Variants in TMEM132B observed in about 807,000 individuals in gnomAD.
TMEM132B encodes transmembrane protein 132B.
In TMEM132B, 18 loss-of-function variants were observed where a neutral mutation model predicts 90.8. That is an observed-to-expected ratio of 0.20 (90% CI 0.14 to 0.29). TMEM132B has a LOEUF of 0.29. Among genes scored for constraint, TMEM132B ranks in the 10% least tolerant of loss-of-function variants. TMEM132B has a pLI of 1.00. For missense variants in TMEM132B, 1,096 were observed against 1,326.8 expected, an observed-to-expected ratio of 0.83 and a Z score of 2.70; for synonymous variants, 504 against 523.3, an observed-to-expected ratio of 0.96 and a Z score of 0.50.
chr12:125,565,099 G>A (rs1744061720), intron 4 of TMEM132B, among the ~76,000 whole-genome samples: 1 of 152,144 alleles, frequency 6.6e-6, no homozygotes, highest in Non-Finnish European at 1.5e-5. Context: ...TTGAGGCATG[G>A]GTACAGTTGT....
chr12:125,442,617 C>A lies in TMEM132B; in HGVS notation c.1106+26940C>A, dbSNP rs114477332. On this transcript the variant is annotated intron_variant, in intron 3 of 8. Coordinates refer to ENST00000682704, the MANE Select transcript of TMEM132B (RefSeq NM_001366854.1). Reference sequence around the variant, plus strand: ...GTATAGTTTACGGGAACAGAACAAGCCCTTATTAAATTACATCCTCAAAAA... The same window carrying A: ...GTATAGTTTACGGGAACAGAACAAGACCTTATTAAATTACATCCTCAAAAA... Among the ~76,000 whole-genome samples, 756 of 152,206 alleles carry A rather than the reference C, an allele frequency of 5.0e-3. 13 individuals are homozygous for A. The highest frequency in any genetic ancestry group is 0.018 in the African/African-American group (734 of 41,520).
At chr12:125,448,889 T>C (rs1593152456) in intron 3 of TMEM132B, among the ~76,000 whole-genome samples, 2 of 152,294 alleles carry the variant, frequency 1.3e-5, no homozygotes, top group East Asian at 1.9e-4. Context: ...GGTATCTTAC[T>C]GTGATTTTAT....
chr12:125,519,641 G>T lies in TMEM132B; in HGVS notation c.1293+16G>T, dbSNP rs754570820. ...TCTTGCCATGGTGAGGAATCTGGGG[G>T]TTTCAGAGGAAGTGTCACAAAGAAG... is the stretch of plus-strand genomic sequence containing the variant. On this transcript the variant is annotated intron_variant, in intron 4 of 8. Coordinates refer to ENST00000682704, the MANE Select transcript of TMEM132B (RefSeq NM_001366854.1). The T allele has an allele frequency of 3.1e-6, 5 of 1,612,468 alleles. No individual in the cohort carries two copies. The highest frequency in any genetic ancestry group is 1.1e-5 in the South Asian group (1 of 90,818).
chr12:125,615,737 G>A (rs1885970884), intron 5 of TMEM132B, among the ~76,000 whole-genome samples: 1 of 152,014 alleles, frequency 6.6e-6, no homozygotes, highest in Non-Finnish European at 1.5e-5. Flanking sequence ...GAACATCTGT[G>A]CTCTCTCATA....
At chr12:125,602,107 A>T (rs575098487) in intron 5 of TMEM132B, among the ~76,000 whole-genome samples, 1 of 152,372 alleles carries the variant, frequency 6.6e-6, no homozygotes, top group South Asian at 2.1e-4. Context: ...TCCCTAACTC[A>T]TTTAATGAGG....
chr12:125,485,408 G>A (rs534930375), intron 3 of TMEM132B, among the ~76,000 whole-genome samples: 2 of 152,224 alleles, frequency 1.3e-5, no homozygotes, highest in African/African-American at 4.8e-5. Flanking sequence ...TAATTACTGA[G>A]TTTTTGGTGC....
intron 5 of TMEM132B, among the ~76,000 whole-genome samples, chr12:125,617,090 G>C (rs1886005960): frequency 6.6e-6 from 1 of 152,204 alleles, no homozygotes; most frequent in African/African-American, 2.4e-5. Context: ...AGCTGACTAA[G>C]ACAACATTTC....
At chr12:125,589,756 C>T (rs530411542) in intron 5 of TMEM132B, among the ~76,000 whole-genome samples, 18 of 152,188 alleles carry the variant, frequency 1.2e-4, no homozygotes, top group East Asian at 9.8e-4. Context: ...CACCATCTAT[C>T]GTGAGGACAG....
intron 1 of TMEM132B, among the ~76,000 whole-genome samples, chr12:125,290,667 T>C (rs1163764415): frequency 6.6e-6 from 1 of 152,242 alleles, no homozygotes; most frequent in Non-Finnish European, 1.5e-5. Context: ...AGTATTCTGG[T>C]ATATGAATAT....
At chr12:125,369,206 C>CT (rs750440776) in intron 2 of TMEM132B, among the ~76,000 whole-genome samples, 8 of 152,122 alleles carry the variant, frequency 5.3e-5, no homozygotes, top group Non-Finnish European at 1.0e-4. Context: ...TGAACTCATC[C>CT]TTTTTTATGG....
At chr12:125,266,042 AACAT>A (rs554981170) in intron 1 of TMEM132B, among the ~76,000 whole-genome samples, 1 of 152,142 alleles carries the variant, frequency 6.6e-6, no homozygotes, top group South Asian at 2.1e-4. Context: ...TAGCCTGGAC[AACAT>A]GGTGAAACCC....
At chr12:125,302,232 G>A (rs1403251998) in intron 1 of TMEM132B, among the ~76,000 whole-genome samples, 1 of 151,964 alleles carries the variant, frequency 6.6e-6, no homozygotes, top group Non-Finnish European at 1.5e-5. Flanking sequence ...AGGCATGGTG[G>A]TGCTCTCCTG....
At chr12:125,394,467 C>T (rs929312934) in intron 2 of TMEM132B, among the ~76,000 whole-genome samples, 1 of 152,118 alleles carries the variant, frequency 6.6e-6, no homozygotes, top group African/African-American at 2.4e-5. Flanking sequence ...GAGAGACACT[C>T]GGGACTTATT....
intron 1 of TMEM132B, among the ~76,000 whole-genome samples, chr12:125,322,630 A>T (rs546528691): frequency 6.6e-6 from 1 of 152,336 alleles, no homozygotes; most frequent in South Asian, 2.1e-4. Context: ...ATCAAACCAT[A>T]CACTTTAATT....
chr12:125,463,971 A>G (rs1881502173), intron 3 of TMEM132B, among the ~76,000 whole-genome samples: 1 of 152,158 alleles, frequency 6.6e-6, no homozygotes, highest in Non-Finnish European at 1.5e-5. Context: ...GCTATACTTT[A>G]AAACCATCAG....
chr12:125,476,313 C>T (rs1375939473), intron 3 of TMEM132B, among the ~76,000 whole-genome samples: 2 of 152,168 alleles, frequency 1.3e-5, no homozygotes, highest in Non-Finnish European at 2.9e-5. Flanking sequence ...ATTCCCTGCC[C>T]TGCTCTTGAT....
At chr12:125,331,741 A>C (rs1876779902) in intron 1 of TMEM132B, among the ~76,000 whole-genome samples, 2 of 152,096 alleles carry the variant, frequency 1.3e-5, no homozygotes. Flanking sequence ...AAATGGCTAT[A>C]TTATTACAAG....
rs1246105494 is a variant in TMEM132B, at chr12:125,487,940, A to C, written c.1107-31499A>C. ...ATATTATATCCTGTATTATGATTAA[A>C]TGTTTCCTGTGTCTTGGTTTTGTCT... is the stretch of plus-strand genomic sequence containing the variant. On this transcript the variant is annotated intron_variant, in intron 3 of 8. Transcript: ENST00000682704. Among the ~76,000 whole-genome samples the C allele has an allele frequency of 2.0e-5, 3 of 152,294 alleles. No homozygotes were observed. The East Asian group carries it at 5.8e-4, about 29-fold the overall frequency.
At chr12:125,307,947 A>G (rs896770176) in intron 1 of TMEM132B, among the ~76,000 whole-genome samples, 9 of 135,488 alleles carry the variant, frequency 6.6e-5, no homozygotes, top group Non-Finnish European at 1.1e-4. Context: ...TACTTATATT[A>G]CAAGTATATA....
Sources: gnomAD v4.1 joint callset for allele counts (sites outside exome capture counted in the v4.1 genomes callset) on GRCh38, gnomAD v4.1.1 for gene constraint, MANE v1.5 for transcripts, NCBI Gene and HGNC (gene_info 2026-07-23, HGNC 2026-07-21) for gene names.